The following ITIH5 variants were observed in gnomAD, a reference collection of about 807,000 sequenced individuals.
ITIH5 encodes inter-alpha-trypsin inhibitor heavy chain H5.
Under a neutral mutation model 77.5 loss-of-function variants are expected in ITIH5, and 65 were observed. The ratio of observed to expected loss-of-function variants is 0.84; its 90% CI spans 0.69 to 1.03. The LOEUF is 1.03. Ranked by LOEUF, ITIH5 falls within the 50% of genes least tolerant of loss-of-function variation. ITIH5 has a pLI of 0.00. For synonymous variants in ITIH5, 525 were observed against 494.3 expected (o/e 1.06, Z -0.82); for missense variants, 1,208 against 1,213.1 (o/e 1.00, Z 0.06).
At chr10:7,590,707 T>C (rs1432324990) in intron 7 of ITIH5, among the ~76,000 whole-genome samples, 2 of 152,196 alleles carry the variant, frequency 1.3e-5, no homozygotes, top group Non-Finnish European at 2.9e-5. Flanking sequence ...GGAAGCTCAT[T>C]ATCCCCACGT....
intron 10 of ITIH5, among the ~76,000 whole-genome samples, chr10:7,575,352 A>G (rs2130954432): frequency 6.6e-6 from 1 of 152,286 alleles, no homozygotes; most frequent in South Asian, 2.1e-4. Flanking sequence ...TCCTAACTGC[A>G]TGCTTTCTCC....
At chr10:7,564,812 T>C (rs1279476811) in intron 13 of ITIH5, among the ~76,000 whole-genome samples, 1 of 150,972 alleles carries the variant, frequency 6.6e-6, no homozygotes, top group Non-Finnish European at 1.5e-5. Context: ...TGTGTATATA[T>C]ACACACACAC....
chr10:7,648,908 G>GA (rs1834047786), intron 2 of ITIH5, among the ~76,000 whole-genome samples: 1 of 152,068 alleles, frequency 6.6e-6, no homozygotes, highest in African/African-American at 2.4e-5. Context: ...GAGACAGGCT[G>GA]AAAAAAGGTT....
chr10:7,627,752 A>AATTTT (rs1833607667), intron 5 of ITIH5, among the ~76,000 whole-genome samples: 1 of 149,530 alleles, frequency 6.7e-6, no homozygotes, highest in Admixed American at 6.6e-5. Flanking sequence ...AGGAAGGGAG[A>AATTTT]TTCTAACCAC....
In ITIH5 at chr10:7,561,269, T is replaced by A. The variant is rs549392031; in HGVS notation, c.*1814A>T. Reference sequence around the variant, plus strand: ...CCTAATAACGTCCTCATTTCTGCAGTGTCGAGACTTACACCTGGAACAACA... The same window carrying A: ...CCTAATAACGTCCTCATTTCTGCAGAGTCGAGACTTACACCTGGAACAACA... On this transcript the variant is annotated 3_prime_UTR_variant, in exon 14 of 14. Coordinates refer to ENST00000397146, the MANE Select transcript of ITIH5 (RefSeq NM_030569.7). 2.0e-5 allele frequency: 3 copies of A among 152,354 alleles called. No homozygotes were observed. The highest frequency in any genetic ancestry group is 7.2e-5 in the African/African-American group (3 of 41,588). 9.4% of individuals were successfully genotyped at this position (152,354 alleles called of 1,614,324 possible). A position where few individuals can be genotyped will look rare whatever the true frequency, so the allele number is the denominator to read the frequency against.
intron 12 of ITIH5, among the ~76,000 whole-genome samples, chr10:7,566,930 G>GAAAAGAAAAT (rs1832198437): frequency 6.8e-6 from 1 of 146,178 alleles, no homozygotes; most frequent in Non-Finnish European, 1.5e-5. Context: ...GAAAAGAAAA[G>GAAAAGAAAAT]AAAATCTATC....
intron 1 of ITIH5, among the ~76,000 whole-genome samples, chr10:7,657,128 T>A (rs1418390318): frequency 6.9e-6 from 1 of 144,912 alleles, no homozygotes; most frequent in Non-Finnish European, 1.5e-5. Context: ...CACTGCAATC[T>A]CCAACTCCCG....
chr10:7,666,901 G>A lies in ITIH5; in HGVS notation c.-9C>T. ...CCCAGCAGCAGGAGCATGGCGGGGC[G>A]AGGGCGCGGGACGCTCGGGGACCCG... On this transcript the variant is annotated 5_prime_UTR_variant, in exon 1 of 14. Coordinates refer to ENST00000397146, the MANE Select transcript of ITIH5 (RefSeq NM_030569.7). 1 of 1,583,986 alleles carries A rather than the reference G, an allele frequency of 6.3e-7. No homozygotes were observed.
At chr10:7,609,946 C>G (rs4623795) in intron 7 of ITIH5, among the ~76,000 whole-genome samples, 129,228 of 152,132 alleles carry the variant, frequency 0.85, 55,061 homozygotes, top group Middle Eastern at 0.93. Context: ...TATTCTTAAT[C>G]CTCCCAAGGA....
rs184590746 is a variant in ITIH5 at position 7,582,354 on chromosome 10, G to T, written c.1109-2290C>A. ...AGGTTGAAACCCCAGCTACAGTGAG[G>T]TTTCTGGGTTAGCTAAGAATTCCAC... is the stretch of plus-strand genomic sequence containing the variant. On this transcript the variant is annotated intron_variant, in intron 8 of 13. Transcript: ENST00000397146. 3.6e-3 allele frequency among the ~76,000 whole-genome samples: 541 copies of T among 152,180 alleles called. 3 individuals are homozygous for T. The highest frequency in any genetic ancestry group is 0.013 in the African/African-American group (526 of 41,518).
intron 4 of ITIH5, among the ~76,000 whole-genome samples, chr10:7,638,991 T>C (rs1483530602): frequency 6.6e-6 from 1 of 152,216 alleles, no homozygotes; most frequent in Non-Finnish European, 1.5e-5. Flanking sequence ...TATCATTTTA[T>C]ATCATAAGAA....
intron 5 of ITIH5, chr10:7,617,963 A>G (rs7915676): frequency 0.15 from 22,592 of 151,300 alleles, 1,827 homozygotes; most frequent in East Asian, 0.26. Context: ...CATTTGTCCT[A>G]TGGGATTTCT....
chr10:7,610,961 G>A (rs111939410), intron 7 of ITIH5, among the ~76,000 whole-genome samples: 3 of 152,324 alleles, frequency 2.0e-5, no homozygotes, highest in African/African-American at 7.2e-5. Context: ...TCTGACATCT[G>A]TTATTACATT....
At chr10:7,574,932 G>A (rs144978659) in intron 10 of ITIH5, among the ~76,000 whole-genome samples, 27 of 151,730 alleles carry the variant, frequency 1.8e-4, no homozygotes, top group East Asian at 1.4e-3. Flanking sequence ...TTGCGCTGAT[G>A]ACCTAGCATC....
In ITIH5 at chr10:7,629,521, G is replaced by GTGTTGTAGCATGTGTCCA. The variant is rs750669506; in HGVS notation, c.652+7706_652+7707insTGGACACATGCTACAACA. On this transcript the variant is annotated intron_variant, in intron 5 of 13. Transcript: ENST00000397146. The stretch of plus-strand genomic sequence containing the variant: ...TGTGTCCATGTTGCAGCGTGTGTCC[G>GTGTTGTAGCATGTGTCCA]TGTTGCAGCGTGTGTCCGTGTTGTG... Among the ~76,000 whole-genome samples the GTGTTGTAGCATGTGTCCA allele has an allele frequency of 1.7e-4, 15 of 87,240 alleles. 3 individuals are homozygous for GTGTTGTAGCATGTGTCCA. The highest frequency in any genetic ancestry group is 2.6e-4 in the Non-Finnish European group (11 of 42,762). 57.2% of individuals were successfully genotyped at this position (87,240 alleles called of 152,430 possible).
chr10:7,624,811 ATACACATATATATGTGTATATACATG>A lies in ITIH5; in HGVS notation c.653-7555_653-7530del, dbSNP rs1405035261. 2.6e-3 allele frequency among the ~76,000 whole-genome samples: 323 copies of A among 123,572 alleles called. 6 individuals are homozygous for A. Among genetic ancestry groups the A allele is most frequent in the African/African-American group, 9.8e-3 (308 of 31,388 alleles). 81.1% of individuals were successfully genotyped at this position (123,572 alleles called of 152,430 possible). On this transcript the variant is annotated intron_variant, in intron 5 of 13. Coordinates refer to ENST00000397146, the MANE Select transcript of ITIH5 (RefSeq NM_030569.7). ...AAAAAAAAAAAAAATATATATATAT[ATACACATATATATGTGTATATACATG>A]TATATACACATATATATGTGTATAT...
intron 1 of ITIH5, among the ~76,000 whole-genome samples, chr10:7,665,888 T>G (rs1834354026): frequency 6.6e-6 from 1 of 152,186 alleles, no homozygotes; most frequent in Non-Finnish European, 1.5e-5. Flanking sequence ...TTAAGCACAT[T>G]CACAGGACAG....
intron 9 of ITIH5, among the ~76,000 whole-genome samples, chr10:7,577,536 T>C (rs1364893618): frequency 6.6e-6 from 1 of 152,246 alleles, no homozygotes; most frequent in African/African-American, 2.4e-5. Flanking sequence ...AAAACCTTTT[T>C]CTTAGAACCA....
rs142119088 is a variant in ITIH5 at position 7,651,562 on chromosome 10, C to T, written c.135+4069G>A. On this transcript the variant is annotated intron_variant, in intron 2 of 13. Coordinates refer to ENST00000397146, the MANE Select transcript of ITIH5 (RefSeq NM_030569.7). ...AGTGGAGGTTGCAGTGAGCCGAGAT[C>T]GCACCACTGGGCTCCAGCCTGGGCC... 2.7e-3 allele frequency among the ~76,000 whole-genome samples: 416 copies of T among 152,038 alleles called. 12 individuals are homozygous for T. In the East Asian group the frequency reaches 0.053, roughly 19 times the overall value.
Sources: allele counts gnomAD v4.1 joint callset (sites outside exome capture counted in the v4.1 genomes callset), GRCh38; gene constraint gnomAD v4.1.1; transcripts MANE v1.5; gene names NCBI Gene and HGNC (gene_info 2026-07-23, HGNC 2026-07-21).